The following CNTNAP2 variants were observed in gnomAD, a reference collection of about 807,000 sequenced individuals.
CNTNAP2 encodes contactin-associated protein-like 2.
In CNTNAP2, 98 loss-of-function variants were observed where a neutral mutation model predicts 155.2. The ratio of observed to expected loss-of-function variants is 0.63; its 90% CI spans 0.54 to 0.75. The LOEUF is 0.75. Among genes scored for constraint, CNTNAP2 ranks in the 30% least tolerant of loss-of-function variants. CNTNAP2 has a pLI of 0.00. For synonymous variants in CNTNAP2, 651 were observed against 631.2 expected (o/e 1.03, Z -0.47); for missense variants, 1,727 against 1,688.1 (o/e 1.02, Z -0.40).
At chr7:147,809,336 C>T (rs991689439) in intron 13 of CNTNAP2, among the ~76,000 whole-genome samples, 2 of 152,212 alleles carry the variant, frequency 1.3e-5, no homozygotes, top group African/African-American at 2.4e-5. Flanking sequence ...TTACTAAGAA[C>T]CTGCATCAGT....
At chr7:147,871,408 A>C (rs1353382463) in intron 13 of CNTNAP2, among the ~76,000 whole-genome samples, 1 of 152,148 alleles carries the variant, frequency 6.6e-6, no homozygotes, top group Non-Finnish European at 1.5e-5. Context: ...ATGCTTGTAC[A>C]TGTGCTATTT....
At chr7:147,601,350 G>C (rs1187708388) in intron 12 of CNTNAP2, among the ~76,000 whole-genome samples, 1 of 151,882 alleles carries the variant, frequency 6.6e-6, no homozygotes, top group African/African-American at 2.4e-5. Context: ...GGTAGGTAGT[G>C]GAAAATTACA....
intron 9 of CNTNAP2, among the ~76,000 whole-genome samples, chr7:147,382,863 A>C (rs575300610): frequency 3.3e-5 from 5 of 152,176 alleles, no homozygotes; most frequent in Non-Finnish European, 1.5e-5. Flanking sequence ...CAGCCAAAGA[A>C]AGATAAATTA....
chr7:146,875,678 G>GC (rs1331702587), intron 3 of CNTNAP2, among the ~76,000 whole-genome samples: 1 of 151,426 alleles, frequency 6.6e-6, no homozygotes. Context: ...TTTTGGCGGG[G>GC]GGGCAAAGCC....
chr7:146,759,681 CAAAAAAAAAAAAAAAAA>C (rs376817827), intron 1 of CNTNAP2, among the ~76,000 whole-genome samples: 4 of 54,600 alleles, frequency 7.3e-5, no homozygotes, highest in East Asian at 9.0e-4. Flanking sequence ...GTGAGACTGT[CAAAAAAAAAAAAAAAAA>C]AAAAAAAAAA....
chr7:147,151,728 A>G (rs774011098), intron 8 of CNTNAP2, among the ~76,000 whole-genome samples: 1 of 152,184 alleles, frequency 6.6e-6, no homozygotes, highest in Non-Finnish European at 1.5e-5. Context: ...TTTTTATTTA[A>G]CATGTATTTG....
chr7:147,021,844 C>G (rs1310415031), intron 3 of CNTNAP2, among the ~76,000 whole-genome samples: 4 of 152,010 alleles, frequency 2.6e-5, no homozygotes, highest in African/African-American at 7.3e-5. Flanking sequence ...TTGCATTCAT[C>G]AAACATAAAT....
At chr7:147,227,015 A>G (rs1803562197) in intron 8 of CNTNAP2, among the ~76,000 whole-genome samples, 1 of 152,212 alleles carries the variant, frequency 6.6e-6, no homozygotes, top group Non-Finnish European at 1.5e-5. Flanking sequence ...AGAAAAGGAT[A>G]AGGGCTGTGA....
intron 1 of CNTNAP2, among the ~76,000 whole-genome samples, chr7:146,119,999 G>C (rs905538248): frequency 6.6e-6 from 1 of 151,716 alleles, no homozygotes; most frequent in Admixed American, 6.6e-5. Flanking sequence ...GTAAAAATGT[G>C]TATATTTATA....
intron 21 of CNTNAP2, among the ~76,000 whole-genome samples, chr7:148,336,330 T>C (rs12667719): frequency 0.51 from 77,249 of 151,704 alleles, 19,876 homozygotes; most frequent in East Asian, 0.66. Flanking sequence ...TAGAGAAATA[T>C]GGAAGGAAAA....
At chr7:146,704,525 T>C (rs1009820381) in intron 1 of CNTNAP2, among the ~76,000 whole-genome samples, 15 of 152,128 alleles carry the variant, frequency 9.9e-5, no homozygotes, top group African/African-American at 3.1e-4. Flanking sequence ...AATGGCAAAG[T>C]TTGACTACTT....
intron 9 of CNTNAP2, among the ~76,000 whole-genome samples, chr7:147,326,679 T>G (rs1795465965): frequency 1.3e-5 from 2 of 152,224 alleles, no homozygotes; most frequent in African/African-American, 4.8e-5. Context: ...TTCCACATCC[T>G]TGCCAACACT....
At chr7:146,847,085 T>G (rs1366580401) in intron 3 of CNTNAP2, among the ~76,000 whole-genome samples, 2 of 143,304 alleles carry the variant, frequency 1.4e-5, no homozygotes, top group Non-Finnish European at 2.9e-5. Context: ...CAAGGTTGGA[T>G]TTAGGTTACC....
At chr7:146,580,443 C>T (rs897657886) in intron 1 of CNTNAP2, among the ~76,000 whole-genome samples, 3 of 146,418 alleles carry the variant, frequency 2.0e-5, no homozygotes, top group Non-Finnish European at 4.5e-5. Flanking sequence ...CAGAACAACT[C>T]TGAAAACAAA....
At chr7:147,734,796 G>T (rs974249461) in intron 13 of CNTNAP2, among the ~76,000 whole-genome samples, 20 of 152,114 alleles carry the variant, frequency 1.3e-4, no homozygotes, top group Non-Finnish European at 2.6e-4. Context: ...TTTCTAGTTT[G>T]TTTGCATAGA....
intron 10 of CNTNAP2, among the ~76,000 whole-genome samples, chr7:147,406,766 A>C (rs890407058): frequency 6.6e-6 from 1 of 152,212 alleles, no homozygotes; most frequent in South Asian, 2.1e-4. Flanking sequence ...GTTTATTTGA[A>C]ATGGTTTTGA....
chr7:147,482,060 G>A (rs1798431351), intron 10 of CNTNAP2, among the ~76,000 whole-genome samples: 1 of 152,054 alleles, frequency 6.6e-6, no homozygotes, highest in African/African-American at 2.4e-5. Context: ...TTCAGTCAAT[G>A]TGTCAATAGG....
intron 8 of CNTNAP2, among the ~76,000 whole-genome samples, chr7:147,141,556 A>G (rs1004708798): frequency 1.3e-5 from 2 of 152,164 alleles, no homozygotes; most frequent in Admixed American, 6.5e-5. Context: ...TAGATTAAAA[A>G]AAAACACAGG....
At chr7:147,619,199 C>T (rs566842670) in intron 12 of CNTNAP2, among the ~76,000 whole-genome samples, 10 of 152,112 alleles carry the variant, frequency 6.6e-5, no homozygotes, top group East Asian at 1.9e-4. Context: ...TTAGTTAATC[C>T]GTGGCTTATT....
Sources: allele counts gnomAD v4.1 joint callset (sites outside exome capture counted in the v4.1 genomes callset), GRCh38; gene constraint gnomAD v4.1.1; transcripts MANE v1.5; gene names NCBI Gene and HGNC (gene_info 2026-07-23, HGNC 2026-07-21).